The following CACNG3 variants were observed in gnomAD, a reference collection of about 807,000 sequenced individuals.
The protein encoded by CACNG3 is calcium voltage-gated channel auxiliary subunit gamma 3, also known as voltage-dependent calcium channel gamma-3 subunit.
A neutral mutation model predicts 28.5 loss-of-function variants in CACNG3; 3 were observed. That is an observed-to-expected ratio of 0.11 (90% CI 0.05 to 0.27). CACNG3 has a LOEUF of 0.27. CACNG3 is among the 10% of genes least tolerant of loss of function. The pLI, the probability that CACNG3 is intolerant of heterozygous loss-of-function variation, is 1.00. For synonymous variants in CACNG3, 174 were observed against 162.2 expected (o/e 1.07, Z -0.55); for missense variants, 236 against 414.4 (o/e 0.57, Z 3.74).
intron 1 of CACNG3, among the ~76,000 whole-genome samples, chr16:24,258,669 G>T (rs1295876298): frequency 6.6e-6 from 1 of 152,078 alleles, no homozygotes; most frequent in East Asian, 1.9e-4. Context: ...TCTTATATTG[G>T]CTATAAGGAA....
chr16:24,336,140 G>A (rs12930950), intron 1 of CACNG3, among the ~76,000 whole-genome samples: 33,324 of 151,236 alleles, frequency 0.22, 4,273 homozygotes, highest in Admixed American at 0.35. Context: ...CAGGAGAATC[G>A]CTTGACCCTG....
chr16:24,361,288 A>G lies in CACNG3; in HGVS notation c.437-64A>G, dbSNP rs1034130875. The G allele has an allele frequency of 4.0e-5, 50 of 1,242,462 alleles. No individual in the cohort carries two copies. The highest frequency in any genetic ancestry group is 3.0e-4 in the Admixed American group (13 of 43,360). 77.0% of individuals were successfully genotyped at this position (1,242,462 alleles called of 1,614,324 possible). A position where few individuals can be genotyped will look rare whatever the true frequency, so the allele number is the denominator to read the frequency against. On this transcript the variant is annotated intron_variant, in intron 3 of 3. Coordinates refer to ENST00000005284, the MANE Select transcript of CACNG3 (RefSeq NM_006539.4). This position sits in a 1 kb window ranked among gnomAD's most constrained non-coding sequence, Gnocchi z 6.8. Reference sequence around the variant, plus strand: ...CCACATTTTCTATAAATATTTTAAGATGGAAAGTGACAGTTCTCTCCGAGG... The same window carrying G: ...CCACATTTTCTATAAATATTTTAAGGTGGAAAGTGACAGTTCTCTCCGAGG...
intron 2 of CACNG3, among the ~76,000 whole-genome samples, chr16:24,351,475 G>A (rs1189145203): frequency 1.3e-5 from 2 of 151,726 alleles, no homozygotes; most frequent in Non-Finnish European, 2.9e-5. Context: ...GGGAAGCTGA[G>A]ACAGGAGAAT....
chr16:24,336,168 T>C (rs1160419239), intron 1 of CACNG3, among the ~76,000 whole-genome samples: 1 of 151,406 alleles, frequency 6.6e-6, no homozygotes, highest in Non-Finnish European at 1.5e-5. Flanking sequence ...GAGGTTGCAG[T>C]GAGCCGAGAT....
At chr16:24,287,774 C>G (rs1418733007) in intron 1 of CACNG3, among the ~76,000 whole-genome samples, 2 of 152,004 alleles carry the variant, frequency 1.3e-5, no homozygotes, top group Non-Finnish European at 2.9e-5. Context: ...TAACACTAAG[C>G]AAAGGTTGAT....
chr16:24,322,332 C>T (rs370814011), intron 1 of CACNG3, among the ~76,000 whole-genome samples: 4 of 152,108 alleles, frequency 2.6e-5, no homozygotes, highest in Admixed American at 1.3e-4. Flanking sequence ...AGGTCATTAG[C>T]GCCTCAAAGG....
intron 1 of CACNG3, among the ~76,000 whole-genome samples, chr16:24,331,018 C>T (rs1178188920): frequency 2.0e-5 from 3 of 152,138 alleles, no homozygotes; most frequent in African/African-American, 4.8e-5. Flanking sequence ...TTGTCATTCT[C>T]TCTGTCTCTC....
chr16:24,288,588 C>T (rs1012849280), intron 1 of CACNG3, among the ~76,000 whole-genome samples: 14 of 152,354 alleles, frequency 9.2e-5, no homozygotes, highest in East Asian at 1.9e-4. Context: ...TTTATATCTA[C>T]TGTCTTTTCC....
At chr16:24,285,004 G>T (rs918999267) in intron 1 of CACNG3, among the ~76,000 whole-genome samples, 2 of 147,484 alleles carry the variant, frequency 1.4e-5, no homozygotes, top group African/African-American at 5.0e-5. Flanking sequence ...GGTTTTATGG[G>T]ATTCCCATCA....
chr16:24,261,332 C>T (rs550874715), intron 1 of CACNG3, among the ~76,000 whole-genome samples: 103 of 152,258 alleles, frequency 6.8e-4, no homozygotes, highest in African/African-American at 2.3e-3. Context: ...CTGGAAAACA[C>T]AAGCCTCATC....
intron 1 of CACNG3, among the ~76,000 whole-genome samples, chr16:24,300,975 G>A (rs1295860263): frequency 1.3e-5 from 2 of 151,454 alleles, no homozygotes; most frequent in Non-Finnish European, 2.9e-5. Context: ...CCTGGGAGGT[G>A]GAGGTTGCAG....
At chr16:24,292,744 G>A (rs140055473) in intron 1 of CACNG3, among the ~76,000 whole-genome samples, 561 of 152,314 alleles carry the variant, frequency 3.7e-3, no homozygotes, top group Middle Eastern at 0.031. Context: ...AAGCAACGCA[G>A]CTATTTTAAC....
chr16:24,314,617 G>C (rs1244972233), intron 1 of CACNG3, among the ~76,000 whole-genome samples: 1 of 152,188 alleles, frequency 6.6e-6, no homozygotes, highest in Admixed American at 6.5e-5. Context: ...TGTTCTGCAT[G>C]TGTGGGTTGC....
chr16:24,353,848 T>C (rs1433477721), intron 2 of CACNG3, among the ~76,000 whole-genome samples: 2 of 152,116 alleles, frequency 1.3e-5, no homozygotes, highest in East Asian at 3.9e-4. Context: ...TGGGAGTCCC[T>C]GTATACAGGG....
intron 1 of CACNG3, among the ~76,000 whole-genome samples, chr16:24,335,935 CA>C (rs35275526): frequency 0.76 from 114,398 of 150,764 alleles, 43,456 homozygotes; most frequent in Middle Eastern, 0.85. Flanking sequence ...AAATAAAAAA[CA>C]AAAAAAAAAT....
chr16:24,286,852 G>T (rs544798816), intron 1 of CACNG3, among the ~76,000 whole-genome samples: 2 of 152,280 alleles, frequency 1.3e-5, no homozygotes, highest in South Asian at 4.1e-4. Flanking sequence ...CGACTGTGTG[G>T]GATTTCCTCC....
chr16:24,256,544 A>G lies in CACNG3; in HGVS notation c.-211A>G. The G allele has an allele frequency of 1.7e-6, 1 of 575,736 alleles. No individual in the cohort carries two copies. Among genetic ancestry groups the G allele is most frequent in the South Asian group, 2.1e-5 (1 of 48,376 alleles). 35.7% of individuals were successfully genotyped at this position (575,736 alleles called of 1,614,324 possible). A position where few individuals can be genotyped will look rare whatever the true frequency, so the allele number is the denominator to read the frequency against. On this transcript the variant is annotated 5_prime_UTR_variant, in exon 1 of 4. Coordinates refer to ENST00000005284, the MANE Select transcript of CACNG3 (RefSeq NM_006539.4). The surrounding 1 kb of genome is among the most constrained non-coding windows in gnomAD (Gnocchi z 4.6). ...TGCGGACCAACCCCCCGGAGCCTGC[A>G]CCCTTCCGAGGGCCATAGGCGACCC...
intron 1 of CACNG3, among the ~76,000 whole-genome samples, chr16:24,272,375 CT>C (rs570636843): frequency 8.7e-5 from 13 of 149,466 alleles, no homozygotes; most frequent in Non-Finnish European, 7.4e-5. Flanking sequence ...AAATCTCTCT[CT>C]TTTTTTTTTC....
At chr16:24,312,920 G>GAAGGAAGAAAGAAAGAAAGA (rs1405298888) in intron 1 of CACNG3, among the ~76,000 whole-genome samples, 150 of 122,102 alleles carry the variant, frequency 1.2e-3, no homozygotes, top group African/African-American at 4.6e-3. Context: ...AGGAAGGAAG[G>GAAGGAAGAAAGAAAGAAAGA]AAGAAAGAAA....
Sources: allele counts gnomAD v4.1 joint callset (sites outside exome capture counted in the v4.1 genomes callset), GRCh38; gene constraint gnomAD v4.1.1; non-coding constraint Gnocchi (gnomAD v3.1); transcripts MANE v1.5; gene names NCBI Gene and HGNC (gene_info 2026-07-23, HGNC 2026-07-21).